Variants in PCDHGA3 observed in about 807,000 individuals in gnomAD.
PCDHGA3 encodes protocadherin gamma-A3.
A neutral mutation model predicts 58.5 loss-of-function variants in PCDHGA3; 40 were observed. That is an observed-to-expected ratio of 0.68 (90% CI 0.53 to 0.89). The LOEUF (loss-of-function observed/expected upper bound fraction) is 0.89, where lower values mean the gene tolerates loss of function less well. Among genes scored for constraint, PCDHGA3 ranks in the 40% least tolerant of loss-of-function variants. The pLI is 0.00. For synonymous variants in PCDHGA3, 530 were observed against 525.7 expected (o/e 1.01, Z -0.11); for missense variants, 1,223 against 1,195.9 (o/e 1.02, Z -0.33).
At chr5:141,393,609 G>A (rs1428368601) in intron 1 of PCDHGA3, 2 of 1,613,940 alleles carry the variant, frequency 1.2e-6, no homozygotes, top group South Asian at 2.2e-5. Context: ...TACTGTAACA[G>A]CCAGCGACCC....
At position 141,414,140 on chromosome 5, in the gene PCDHGA3, A is replaced by G. The variant is rs764980296; in HGVS notation, c.2424+67683A>G. ...GAAGAAACCGGTTTCTATGAAATAG[A>G]AATACAAGCAGAAGATGGAGGAGCA... On this transcript the variant is annotated intron_variant, in intron 1 of 3. Transcript: ENST00000253812. 4 of 1,596,912 alleles carry G rather than the reference A, an allele frequency of 2.5e-6. No individual in the cohort carries two copies. In the African/African-American group the frequency reaches 5.4e-5, roughly 21 times the overall value.
In PCDHGA3 at chr5:141,431,279, C is replaced by G. The variant is rs1163372308; in HGVS notation, c.2425-63528C>G. Reference sequence around the variant, plus strand: ...CTCTCTGCAGAGCTACGAGCTCAGCCCGAACACTCACTTCTCCCTCATCGT... The same window carrying G: ...CTCTCTGCAGAGCTACGAGCTCAGCGCGAACACTCACTTCTCCCTCATCGT... On this transcript the variant is annotated intron_variant, in intron 1 of 3. Coordinates refer to ENST00000253812, the MANE Select transcript of PCDHGA3 (RefSeq NM_018916.4). This position sits in a 1 kb window ranked among gnomAD's most constrained non-coding sequence, Gnocchi z 4.8. 1 of 1,614,028 alleles carries G rather than the reference C, an allele frequency of 6.2e-7. No individual in the cohort carries two copies. Among genetic ancestry groups the G allele is most frequent in the African/African-American group, 1.3e-5 (1 of 74,926 alleles).
intron 1 of PCDHGA3, among the ~76,000 whole-genome samples, chr5:141,456,179 A>G (rs1161415053): frequency 6.6e-6 from 1 of 151,860 alleles, no homozygotes; most frequent in Non-Finnish European, 1.5e-5. Context: ...TTACAGAATA[A>G]TTTCTTAATA....
Position 141,432,295 on chromosome 5 carries a change from G to A in PCDHGA3, c.2425-62512G>A. 6.2e-7 allele frequency: 1 copy of A among 1,614,222 alleles called. No individual in the cohort carries two copies. The highest frequency in any genetic ancestry group is 8.5e-7 in the Non-Finnish European group (1 of 1,180,034). ...ACGTGTCCATCAACTCCGACACTGG[G>A]GTACTGTATGCGCTGAGCTCCTTCG... is the stretch of plus-strand genomic sequence containing the variant. On this transcript the variant is annotated intron_variant, in intron 1 of 3. Coordinates refer to ENST00000253812, the MANE Select transcript of PCDHGA3 (RefSeq NM_018916.4). This position sits in a 1 kb window ranked among gnomAD's most constrained non-coding sequence, Gnocchi z 6.0.
intron 1 of PCDHGA3, chr5:141,409,177 T>C: frequency 3.1e-6 from 5 of 1,613,944 alleles, no homozygotes; most frequent in Non-Finnish European, 4.2e-6. Context: ...AGGACGGAGG[T>C]GGTCTCTCTA....
At chr5:141,499,908 G>T (rs903753761) in intron 2 of PCDHGA3, among the ~76,000 whole-genome samples, 1 of 151,980 alleles carries the variant, frequency 6.6e-6, no homozygotes, top group African/African-American at 2.4e-5. Flanking sequence ...GGCTGGTCTT[G>T]AACTCCTGGC....
chr5:141,366,489 A>C (rs1280216684), intron 1 of PCDHGA3: 1 of 1,614,236 alleles, frequency 6.2e-7, no homozygotes, highest in Non-Finnish European at 8.5e-7. Flanking sequence ...AGGCGCTGGC[A>C]CAAGTCACGC....
intron 1 of PCDHGA3, among the ~76,000 whole-genome samples, chr5:141,347,141 T>C (rs142025036): frequency 2.6e-4 from 23 of 90,044 alleles, no homozygotes; most frequent in South Asian, 1.9e-3. Flanking sequence ...GTTTCTCTCT[T>C]TCTTTCTTTC....
intron 1 of PCDHGA3, among the ~76,000 whole-genome samples, chr5:141,456,707 G>A (rs1198079338): frequency 6.6e-6 from 1 of 152,208 alleles, no homozygotes; most frequent in African/African-American, 2.4e-5. Context: ...GCTCGCGCCT[G>A]TAATCCCAGC....
chr5:141,351,386 G>A (rs2149762334), intron 1 of PCDHGA3: 1 of 1,612,026 alleles, frequency 6.2e-7, no homozygotes. Context: ...TGGGCAAAAT[G>A]GCATGGTGAC....
At chr5:141,501,305 A>G (rs2099807563) in intron 2 of PCDHGA3, among the ~76,000 whole-genome samples, 1 of 151,322 alleles carries the variant, frequency 6.6e-6, no homozygotes, top group African/African-American at 2.4e-5. Flanking sequence ...ACACACACAC[A>G]CACACACACA....
chr5:141,427,983 C>G, intron 1 of PCDHGA3: 2 of 1,596,840 alleles, frequency 1.3e-6, no homozygotes, highest in South Asian at 2.2e-5. Context: ...CGCGCTGGGG[C>G]CCGATGGCTC....
At chr5:141,392,873 G>C (rs1280602911) in intron 1 of PCDHGA3, 1 of 1,613,382 alleles carries the variant, frequency 6.2e-7, no homozygotes, top group Admixed American at 1.7e-5. Flanking sequence ...GCGCGCTGCT[G>C]GGAACGCTGT....
intron 1 of PCDHGA3, among the ~76,000 whole-genome samples, chr5:141,462,639 C>T (rs2099043867): frequency 7.2e-6 from 1 of 138,292 alleles, no homozygotes. Flanking sequence ...TTGACTCTTT[C>T]ATTTCCATCC....
intron 1 of PCDHGA3, among the ~76,000 whole-genome samples, chr5:141,465,995 A>G (rs551920109): frequency 1.4e-3 from 208 of 151,976 alleles, no homozygotes; most frequent in African/African-American, 4.8e-3. Context: ...GGTGGCAGGC[A>G]CCTGTAGTCC....
In PCDHGA3 at chr5:141,345,653, T is replaced by TC; in HGVS notation, c.1622dup (p.Leu542ThrfsTer245). ...TGACAGCCAGCGACAGCGGGAACCC[T>TC]CCACTCAGCAGCAACGTGTCGCTGA... is the stretch of plus-strand genomic sequence containing the variant. On this transcript the variant is annotated frameshift_variant, in exon 1 of 4. Transcript: ENST00000253812. LOFTEE classifies it high-confidence loss of function. The TC allele has an allele frequency of 8.7e-6, 14 of 1,614,138 alleles. No homozygotes were observed. Among genetic ancestry groups the TC allele is most frequent in the Non-Finnish European group, 1.1e-5 (13 of 1,180,020 alleles).
At chr5:141,384,906 C>G (rs767972748) in intron 1 of PCDHGA3, 3 of 1,613,882 alleles carry the variant, frequency 1.9e-6, no homozygotes, top group East Asian at 4.5e-5. Flanking sequence ...ACAGCATCCC[C>G]GAAGTCTTGG....
intron 1 of PCDHGA3, chr5:141,394,434 C>A (rs985055027): frequency 6.2e-7 from 1 of 1,614,248 alleles, no homozygotes; most frequent in East Asian, 2.2e-5. Flanking sequence ...CGGGGACCCG[C>A]CCCTCAGCAG....
chr5:141,351,146 G>T, intron 1 of PCDHGA3: 1 of 1,613,958 alleles, frequency 6.2e-7, no homozygotes, highest in South Asian at 1.1e-5. Flanking sequence ...AAATACTGGC[G>T]ACATCACAAC....
Sources: allele counts gnomAD v4.1 joint callset (sites outside exome capture counted in the v4.1 genomes callset), GRCh38; gene constraint gnomAD v4.1.1; non-coding constraint Gnocchi (gnomAD v3.1); transcripts MANE v1.5; gene names NCBI Gene and HGNC (gene_info 2026-07-23, HGNC 2026-07-21).